TTLL11: variants seen among roughly 807,000 people sequenced by gnomAD.
TTLL11 encodes the protein tubulin tyrosine ligase like 11.
A neutral mutation model predicts 51.7 loss-of-function variants in TTLL11; 42 were observed. The observed-to-expected ratio is 0.81, with a 90% CI of 0.64 to 1.05. The LOEUF (loss-of-function observed/expected upper bound fraction) is 1.05, where lower values mean the gene tolerates loss of function less well. Among genes scored for constraint, TTLL11 ranks in the 50% least tolerant of loss-of-function variants. The pLI is 0.00. For missense variants in TTLL11, 799 were observed against 940.4 expected (o/e 0.85, Z 1.97); for synonymous variants, 381 against 383.5 (o/e 0.99, Z 0.08).
intron 6 of TTLL11, among the ~76,000 whole-genome samples, chr9:121,952,741 T>C (rs1388435347): frequency 6.6e-6 from 1 of 152,192 alleles, no homozygotes; most frequent in African/African-American, 2.4e-5. Flanking sequence ...AGCTCATTCC[T>C]GCTGCCCTCC....
chr9:122,080,469 G>A lies in TTLL11; in HGVS notation c.462+12218C>T, dbSNP rs868678208. ...GAGGCTCAAGCCAGAGGATCGTTGAGGCCAAGAGTTCAAGACCAGCCTGGG... is the reference window on the plus strand; with the variant it reads ...GAGGCTCAAGCCAGAGGATCGTTGAAGCCAAGAGTTCAAGACCAGCCTGGG... On this transcript the variant is annotated intron_variant, in intron 1 of 8. Transcript: ENST00000321582. 8.5e-5 allele frequency among the ~76,000 whole-genome samples: 13 copies of A among 152,084 alleles called. No homozygotes were observed. The South Asian group carries it at 1.0e-3, about 12-fold the overall frequency.
intron 8 of TTLL11, among the ~76,000 whole-genome samples, chr9:121,837,070 A>G (rs1268897147): frequency 3.9e-5 from 6 of 152,090 alleles, no homozygotes; most frequent in Non-Finnish European, 8.8e-5. Flanking sequence ...CCATGCCTTG[A>G]CGCTTCTCCG....
intron 7 of TTLL11, among the ~76,000 whole-genome samples, chr9:121,863,487 A>G (rs1838083072): frequency 6.6e-6 from 1 of 152,196 alleles, no homozygotes; most frequent in African/African-American, 2.4e-5. Context: ...TCTGACAGGT[A>G]GAAAATAGAA....
intron 6 of TTLL11, among the ~76,000 whole-genome samples, chr9:121,908,227 A>T (rs1239533597): frequency 2.0e-5 from 3 of 152,214 alleles, no homozygotes; most frequent in African/African-American, 4.8e-5. Context: ...ACTTGCTGGA[A>T]GGCTGAGGGA....
chr9:122,019,391 C>A (rs1844098162), intron 3 of TTLL11, among the ~76,000 whole-genome samples: 1 of 152,104 alleles, frequency 6.6e-6, no homozygotes, highest in Admixed American at 6.5e-5. Flanking sequence ...GCATTCAAGA[C>A]CCTCTGTGAT....
chr9:122,045,262 T>C (rs370235928), intron 1 of TTLL11, among the ~76,000 whole-genome samples: 10 of 151,770 alleles, frequency 6.6e-5, no homozygotes, highest in South Asian at 4.2e-4. Flanking sequence ...CCCAAAAGAA[T>C]TGAAAGCAGG....
intron 3 of TTLL11, among the ~76,000 whole-genome samples, chr9:121,998,922 G>T (rs951746715): frequency 6.6e-6 from 1 of 152,198 alleles, no homozygotes; most frequent in Non-Finnish European, 1.5e-5. Context: ...TTATGGGCAT[G>T]AGCCACTGTA....
At chr9:121,917,116 G>C (rs962217341) in intron 6 of TTLL11, among the ~76,000 whole-genome samples, 12 of 152,084 alleles carry the variant, frequency 7.9e-5, no homozygotes, top group Admixed American at 2.0e-4. Flanking sequence ...TTTATGTTTA[G>C]GGCTTTGACC....
intron 6 of TTLL11, among the ~76,000 whole-genome samples, chr9:121,906,162 T>C (rs1011573659): frequency 6.6e-6 from 1 of 152,112 alleles, no homozygotes; most frequent in Non-Finnish European, 1.5e-5. Flanking sequence ...TAACAGGAAA[T>C]TGTCATGAAG....
intron 8 of TTLL11, among the ~76,000 whole-genome samples, chr9:121,826,495 GTGTGTGTATATATATA>G (rs1836785221): frequency 4.6e-5 from 2 of 43,128 alleles, no homozygotes; most frequent in African/African-American, 2.1e-4. Flanking sequence ...ATATATATAT[GTGTGTGTATATATATA>G]TATGTATATA....
intron 6 of TTLL11, among the ~76,000 whole-genome samples, chr9:121,949,599 A>C (rs1841787910): frequency 1.3e-5 from 2 of 152,150 alleles, no homozygotes; most frequent in Admixed American, 1.3e-4. Context: ...CAGTCAGTGC[A>C]AAAGTTTGAT....
At chr9:121,973,523 G>A (rs1206124950) in intron 6 of TTLL11, among the ~76,000 whole-genome samples, 3 of 150,124 alleles carry the variant, frequency 2.0e-5, no homozygotes, top group African/African-American at 7.4e-5. Context: ...ATTCTGGGTT[G>A]AAAATTCTTT....
intron 8 of TTLL11, among the ~76,000 whole-genome samples, chr9:121,855,170 C>T (rs1450780243): frequency 1.3e-5 from 2 of 152,066 alleles, no homozygotes; most frequent in African/African-American, 4.8e-5. Flanking sequence ...ATGCTTATTC[C>T]ATTATTAAAA....
intron 1 of TTLL11, among the ~76,000 whole-genome samples, chr9:122,074,809 G>A (rs936003986): frequency 2.6e-5 from 4 of 151,834 alleles, no homozygotes; most frequent in African/African-American, 9.7e-5. Flanking sequence ...TGAGGTAGGA[G>A]GATGGTTTGA....
intron 4 of TTLL11, among the ~76,000 whole-genome samples, chr9:121,984,147 A>G (rs1422135651): frequency 2.6e-5 from 4 of 152,144 alleles, no homozygotes; most frequent in Non-Finnish European, 5.9e-5. Context: ...GGGAGGGTAC[A>G]GGGAAGCTAG....
At chr9:122,036,992 T>C (rs2131819828) in intron 2 of TTLL11, among the ~76,000 whole-genome samples, 1 of 152,336 alleles carries the variant, frequency 6.6e-6, no homozygotes, top group Non-Finnish European at 1.5e-5. Flanking sequence ...TGGGGCAAAC[T>C]TGCTTCTTTG....
chr9:122,092,957 G>C lies in TTLL11; in HGVS notation c.192C>G (p.Ala64=), dbSNP rs779114427. The C allele has an allele frequency of 6.3e-7, 1 of 1,580,566 alleles. No homozygotes were observed. Among genetic ancestry groups the C allele is most frequent in the South Asian group, 1.1e-5 (1 of 87,544 alleles). ...KAGEEQPKVL[A]PAPAQPSAAE... The stretch of plus-strand genomic sequence containing the variant: ...CCGCACTGGGCTGCGCCGGGGCCGG[G>C]GCCAGGACCTTGGGCTGCTCCTCCC... The change falls in exon 1 of 9, where the codon GCC becomes GCG. Residue 64 remains alanine (A), a synonymous_variant. Transcript: ENST00000321582.
At chr9:121,928,589 C>G (rs957481953) in intron 6 of TTLL11, among the ~76,000 whole-genome samples, 26 of 151,974 alleles carry the variant, frequency 1.7e-4, no homozygotes, top group Non-Finnish European at 2.9e-4. Flanking sequence ...TACAGGTGCG[C>G]ACGACCACAC....
intron 4 of TTLL11, among the ~76,000 whole-genome samples, chr9:121,983,985 C>A (rs540091074): frequency 6.6e-6 from 1 of 152,044 alleles, no homozygotes; most frequent in Non-Finnish European, 1.5e-5. Flanking sequence ...TTGAATAGCA[C>A]CTTAGAAGGC....
Sources: allele counts gnomAD v4.1 joint callset (sites outside exome capture counted in the v4.1 genomes callset), GRCh38; gene constraint gnomAD v4.1.1; transcripts MANE v1.5; gene names NCBI Gene and HGNC (gene_info 2026-07-23, HGNC 2026-07-21).